Variants in TPST1 observed in about 807,000 individuals in gnomAD.
TPST1 encodes the protein tyrosylprotein sulfotransferase 1.
A neutral mutation model predicts 34.8 loss-of-function variants in TPST1; 20 were observed. That is an observed-to-expected ratio of 0.57 (90% confidence interval 0.40 to 0.84). TPST1 has a LOEUF of 0.84. TPST1 is among the 40% of genes least tolerant of loss of function. The pLI is 0.00. For synonymous variants in TPST1, 152 were observed against 159.4 expected (o/e 0.95, Z 0.35); for missense variants, 353 against 455.5 (o/e 0.78, Z 2.05).
chr7:66,210,944 G>A (rs919494152), intron 1 of TPST1, among the ~76,000 whole-genome samples: 1 of 152,060 alleles, frequency 6.6e-6, no homozygotes, highest in African/African-American at 2.4e-5. Flanking sequence ...TCTCCAGCCT[G>A]AGTGACAGAG....
At chr7:66,299,384 T>C (rs994139176) in intron 3 of TPST1, among the ~76,000 whole-genome samples, 3 of 151,750 alleles carry the variant, frequency 2.0e-5, no homozygotes, top group Non-Finnish European at 4.4e-5. Context: ...TTCTAGGCTA[T>C]TGGTCGTTTT....
chr7:66,235,104 A>T (rs1432248871), intron 1 of TPST1, among the ~76,000 whole-genome samples: 1 of 150,446 alleles, frequency 6.6e-6, no homozygotes, highest in African/African-American at 2.4e-5. Flanking sequence ...TTTTCTTTCT[A>T]CCTGGCTCCT....
intron 3 of TPST1, among the ~76,000 whole-genome samples, chr7:66,352,119 A>G (rs578168262): frequency 4.7e-4 from 71 of 152,342 alleles, no homozygotes; most frequent in Non-Finnish European, 8.1e-4. Context: ...AGAATTCAAA[A>G]GGAACCAGGA....
rs191504591 is a variant in TPST1 at position 66,232,353 on chromosome 7, C to A, written c.-101-7972C>A. On this transcript the variant is annotated intron_variant, in intron 1 of 5. Coordinates refer to ENST00000304842, the MANE Select transcript of TPST1 (RefSeq NM_003596.4). The stretch of plus-strand genomic sequence containing the variant: ...GAGTAGCTGGGACCACAGGCACGTG[C>A]CACCATGCCTGATTAATTTTTTGTT... Among the ~76,000 whole-genome samples the A allele has an allele frequency of 7.9e-5, 12 of 151,904 alleles. 1 individual carries two copies. The East Asian group carries it at 2.3e-3, about 29-fold the overall frequency.
At chr7:66,263,760 T>A (rs1790533793) in intron 2 of TPST1, among the ~76,000 whole-genome samples, 1 of 152,104 alleles carries the variant, frequency 6.6e-6, no homozygotes, top group Admixed American at 6.5e-5. Flanking sequence ...GTTTAAAAAG[T>A]TTTGCTATTT....
chr7:66,243,120 A>G (rs1790069889), intron 2 of TPST1, among the ~76,000 whole-genome samples: 1 of 151,992 alleles, frequency 6.6e-6, no homozygotes, highest in Non-Finnish European at 1.5e-5. Flanking sequence ...GTATATACCA[A>G]TGAATAGAAT....
chr7:66,214,196 C>T (rs959113348), intron 1 of TPST1, among the ~76,000 whole-genome samples: 2 of 152,080 alleles, frequency 1.3e-5, no homozygotes, highest in African/African-American at 4.8e-5. Context: ...TACTCTTCAT[C>T]CTCTCCATCC....
At chr7:66,298,236 G>A (rs1791241858) in intron 3 of TPST1, among the ~76,000 whole-genome samples, 1 of 151,994 alleles carries the variant, frequency 6.6e-6, no homozygotes, top group African/African-American at 2.4e-5. Flanking sequence ...TGATTTTTTG[G>A]TCTGCTTTAT....
At chr7:66,264,660 T>C (rs1790555511) in intron 2 of TPST1, among the ~76,000 whole-genome samples, 1 of 152,078 alleles carries the variant, frequency 6.6e-6, no homozygotes, top group Admixed American at 6.6e-5. Context: ...ACTACAACAA[T>C]AAGCAGCAAC....
rs1179158273 is a variant in TPST1, at chr7:66,352,501, C to G, written c.1045-4C>G. 6.2e-7 allele frequency: 1 copy of G among 1,611,528 alleles called. No individual in the cohort carries two copies. The highest frequency in any genetic ancestry group is 8.5e-7 in the Non-Finnish European group (1 of 1,179,534). On this transcript the variant is annotated splice_region_variant and splice_polypyrimidine_tract_variant and intron_variant, in intron 3 of 5. Coordinates refer to ENST00000304842, the MANE Select transcript of TPST1 (RefSeq NM_003596.4). ...TTAAACTCACGCCTGCTTTGTTTTT[C>G]CAGGTCTATAAGGGAGAATTCCAAC... is the stretch of plus-strand genomic sequence containing the variant.
At chr7:66,219,279 G>A (rs1046815965) in intron 1 of TPST1, among the ~76,000 whole-genome samples, 2 of 151,926 alleles carry the variant, frequency 1.3e-5, no homozygotes, top group South Asian at 4.1e-4. Context: ...AGTAATTTTG[G>A]GCTAGAGGCA....
At chr7:66,322,455 C>A (rs1005192266) in intron 3 of TPST1, among the ~76,000 whole-genome samples, 1 of 152,302 alleles carries the variant, frequency 6.6e-6, no homozygotes, top group South Asian at 2.1e-4. Context: ...ACTTTTGTCT[C>A]GATTTAAGTA....
rs1789108275 is a variant in TPST1, at chr7:66,205,528, G to C, written c.-102+6G>C. 2 of 152,572 alleles carry C rather than the reference G, an allele frequency of 1.3e-5. No homozygotes were observed. Among genetic ancestry groups the C allele is most frequent in the Admixed American group, 1.3e-4 (2 of 15,286 alleles). 9.5% of individuals were successfully genotyped at this position (152,572 alleles called of 1,614,324 possible). On this transcript the variant is annotated splice_donor_region_variant and intron_variant, in intron 1 of 5. Transcript: ENST00000304842. The surrounding 1 kb of genome is among the most constrained non-coding windows in gnomAD (Gnocchi z 5.0). Reference sequence around the variant, plus strand: ...CGGCTCCTCACTCATCCCAGGTAAGGGGGACGCGGCGCTCGCTGCGGCTCC... The same window carrying C: ...CGGCTCCTCACTCATCCCAGGTAAGCGGGACGCGGCGCTCGCTGCGGCTCC...
rs545845323 is a variant in TPST1 at position 66,223,330 on chromosome 7, G to C, written c.-101-16995G>C. On this transcript the variant is annotated intron_variant, in intron 1 of 5. Transcript: ENST00000304842. The stretch of plus-strand genomic sequence containing the variant: ...ACAAAAAATTAGCCAGGTATGGTTT[G>C]CATGCCCCTGCAGTCCCAGCTACTT... Among the ~76,000 whole-genome samples, 17 of 151,966 alleles carry C rather than the reference G, an allele frequency of 1.1e-4. No individual in the cohort carries two copies. The South Asian group carries it at 3.3e-3, about 30-fold the overall frequency.
In TPST1 at chr7:66,256,545, G is replaced by A. The variant is rs112069734; in HGVS notation, c.845+15275G>A. On this transcript the variant is annotated intron_variant, in intron 2 of 5. Transcript: ENST00000304842. The stretch of plus-strand genomic sequence containing the variant: ...GTGGAGGGCCTTAGTTTCTTGCTGT[G>A]TGTTTCTGTATATGGCTACTTAACA... 3.9e-5 allele frequency among the ~76,000 whole-genome samples: 6 copies of A among 152,282 alleles called. 1 individual carries two copies. The highest frequency in any genetic ancestry group is 1.2e-4 in the African/African-American group (5 of 41,558).
chr7:66,244,677 G>A (rs1162110636), intron 2 of TPST1, among the ~76,000 whole-genome samples: 6 of 152,182 alleles, frequency 3.9e-5, no homozygotes, highest in South Asian at 2.1e-4. Flanking sequence ...TTACAAGAGC[G>A]TACAGTTACT....
chr7:66,335,357 G>A (rs956716891), intron 3 of TPST1, among the ~76,000 whole-genome samples: 4 of 151,890 alleles, frequency 2.6e-5, no homozygotes, highest in Non-Finnish European at 5.9e-5. Context: ...TTCAGAGGCT[G>A]AAGCAAAGAG....
intron 3 of TPST1, among the ~76,000 whole-genome samples, chr7:66,306,059 A>C (rs1040449140): frequency 6.6e-5 from 10 of 152,188 alleles, no homozygotes; most frequent in Non-Finnish European, 1.3e-4. Flanking sequence ...AACGAATAGA[A>C]TACAACAAAG....
chr7:66,231,468 T>C (rs1163615040), intron 1 of TPST1, among the ~76,000 whole-genome samples: 1 of 152,174 alleles, frequency 6.6e-6, no homozygotes, highest in Non-Finnish European at 1.5e-5. Context: ...GGTGGGAGGC[T>C]CAGGCATGGC....
Sources: allele counts gnomAD v4.1 joint callset (sites outside exome capture counted in the v4.1 genomes callset), GRCh38; gene constraint gnomAD v4.1.1; non-coding constraint Gnocchi (gnomAD v3.1); transcripts MANE v1.5; gene names NCBI Gene and HGNC (gene_info 2026-07-23, HGNC 2026-07-21).